Variants in CLGN observed in about 807,000 individuals in gnomAD.
CLGN encodes calmegin, also known as testis tissue sperm-binding protein Li 79P.
A neutral mutation model predicts 79.1 loss-of-function variants in CLGN; 62 were observed. That is an observed-to-expected ratio of 0.78 (90% CI 0.64 to 0.97). The LOEUF (loss-of-function observed/expected upper bound fraction) is 0.97, where lower values mean the gene tolerates loss of function less well. Ranked by LOEUF, CLGN falls within the 50% of genes least tolerant of loss-of-function variation. The probability of loss-of-function intolerance (pLI) is 0.00; values close to 1 mark genes in which losing one functional copy is unlikely to be tolerated. For synonymous variants in CLGN, 225 were observed against 224.7 expected, an observed-to-expected ratio of 1.00 and a Z score of -0.01; for missense variants, 647 against 715.5, an observed-to-expected ratio of 0.90 and a Z score of 1.09.
intron 8 of CLGN, among the ~76,000 whole-genome samples, chr4:140,397,120 G>A (rs549907163): frequency 6.6e-6 from 1 of 151,388 alleles, no homozygotes; most frequent in African/African-American, 2.4e-5. Context: ...AAATATAATT[G>A]TTAAGAGTAT....
At chr4:140,413,503 C>T (rs192525173) in intron 1 of CLGN, among the ~76,000 whole-genome samples, 211 of 152,192 alleles carry the variant, frequency 1.4e-3, no homozygotes, top group African/African-American at 4.9e-3. Context: ...GTGCGTGCAC[C>T]GTGCGTGAGC....
intron 14 of CLGN, 132 bp downstream of exon 14, chr4:140,390,496 A>C (rs561204352): frequency 3.7e-5 from 18 of 483,566 alleles, no homozygotes; most frequent in Non-Finnish European, 5.4e-5. Context: ...TGTTTTAAAA[A>C]CAATATAGAG....
chr4:140,406,291 TA>T (rs1382159784), intron 4 of CLGN, among the ~76,000 whole-genome samples: 1 of 152,184 alleles, frequency 6.6e-6, no homozygotes, highest in African/African-American at 2.4e-5. Flanking sequence ...TCTTCTTAAC[TA>T]AAGTTGTGAA....
intron 8 of CLGN, among the ~76,000 whole-genome samples, chr4:140,397,317 C>T (rs1728909304): frequency 6.6e-6 from 1 of 152,076 alleles, no homozygotes; most frequent in African/African-American, 2.4e-5. Flanking sequence ...TTTGAATGTA[C>T]ATTTAGTAGC....
At chr4:140,397,213 AAAAGTAC>A (rs1443040857) in intron 8 of CLGN, among the ~76,000 whole-genome samples, 8 of 152,014 alleles carry the variant, frequency 5.3e-5, no homozygotes, top group Non-Finnish European at 1.2e-4. Flanking sequence ...AGCAGCATGC[AAAAGTAC>A]CTATTTTCTC....
chr4:140,397,723 G>C (rs1728920653), intron 8 of CLGN, among the ~76,000 whole-genome samples: 1 of 151,914 alleles, frequency 6.6e-6, no homozygotes, highest in Admixed American at 6.6e-5. Flanking sequence ...GACCAACATG[G>C]TGAAATCCCA....
rs775378818 is a variant in CLGN at position 140,409,841 on chromosome 4, G to A, written c.273C>T (p.Tyr91=). The A allele has an allele frequency of 1.2e-4, 188 of 1,580,008 alleles. No homozygotes were observed. Among genetic ancestry groups the A allele is most frequent in the Non-Finnish European group, 1.5e-4 (171 of 1,153,404 alleles). ...ATACTTAAATAAATATTTTACCATC[G>A]TATATTGAAATTTCCTCATCCATGT... ...KDDMDEEISI[Y]DGRWEIEELK... is the part of the protein sequence containing the mutation. The change falls in exon 4 of 15, where the codon TAC becomes TAT. Residue 91 remains tyrosine (Y), a synonymous_variant. Transcript: ENST00000325617.
chr4:140,405,671 A>G (rs1729093781), intron 5 of CLGN, among the ~76,000 whole-genome samples: 1 of 152,210 alleles, frequency 6.6e-6, no homozygotes, highest in South Asian at 2.1e-4. Flanking sequence ...ATGCTGCTTA[A>G]TAGCCCACAT....
intron 7 of CLGN, 40 bp downstream of exon 7, chr4:140,400,317 C>T (rs188642963): frequency 1.4e-6 from 2 of 1,432,384 alleles, no homozygotes; most frequent in Non-Finnish European, 1.9e-6. Flanking sequence ...CAATAGTCAG[C>T]AAATATTTTT....
chr4:140,420,717 C>T lies in CLGN; in HGVS notation c.-10+6820G>A, dbSNP rs369121676. Among the ~76,000 whole-genome samples the T allele has an allele frequency of 2.3e-4, 35 of 152,192 alleles. 1 individual carries two copies. In the East Asian group the frequency reaches 4.4e-3, roughly 19 times the overall value. ...TGCCAACATGTTATTAAGTTCCAAA[C>T]AAAACTATGAGGTTTGTGACATCTC... On this transcript the variant is annotated intron_variant, in intron 1 of 14. Coordinates refer to ENST00000325617, the MANE Select transcript of CLGN (RefSeq NM_004362.3).
At position 140,397,102 on chromosome 4, in the gene CLGN, A is replaced by G. The variant is rs1310161017; in HGVS notation, c.885-897T>C. On this transcript the variant is annotated intron_variant, in intron 8 of 14. Coordinates refer to ENST00000325617, the MANE Select transcript of CLGN (RefSeq NM_004362.3). ...TGTCCTAGAATATATGCCATTTCTC[A>G]TCTGTGAAAATATAATTGTTAAGAG... Among the ~76,000 whole-genome samples, 9 of 151,592 alleles carry G rather than the reference A, an allele frequency of 5.9e-5. No individual in the cohort carries two copies. In the East Asian group the frequency reaches 1.7e-3, roughly 29 times the overall value.
intron 10 of CLGN, 106 bp downstream of exon 10, chr4:140,395,713 A>C: frequency 1.0e-6 from 1 of 955,848 alleles, no homozygotes; most frequent in Non-Finnish European, 1.4e-6. Context: ...ACATCTTAAA[A>C]TTAAAAATGA....
intron 4 of CLGN, among the ~76,000 whole-genome samples, chr4:140,407,650 G>A (rs956651104): frequency 1.2e-4 from 18 of 149,836 alleles, no homozygotes; most frequent in Non-Finnish European, 2.2e-4. Context: ...TCTATACAAG[G>A]AGGACTACAA....
At chr4:140,416,896 A>T (rs1365538347) in intron 1 of CLGN, among the ~76,000 whole-genome samples, 1 of 151,680 alleles carries the variant, frequency 6.6e-6, no homozygotes, top group African/African-American at 2.4e-5. Context: ...AGACACAACA[A>T]AAAAAGAGAA....
chr4:140,417,983 G>A (rs1015294399), intron 1 of CLGN, among the ~76,000 whole-genome samples: 25 of 152,214 alleles, frequency 1.6e-4, no homozygotes, highest in Admixed American at 1.3e-4. Flanking sequence ...AAAACAGCAT[G>A]GTACTGGTAC....
intron 1 of CLGN, among the ~76,000 whole-genome samples, chr4:140,414,960 G>C (rs1729297379): frequency 1.3e-5 from 2 of 150,968 alleles, no homozygotes; most frequent in South Asian, 4.2e-4. Context: ...GAAAGGTCGG[G>C]TTACCCTCAA....
intron 8 of CLGN, 38 bp from the exon 9 acceptor site, chr4:140,396,243 A>C (rs1229195678): frequency 5.4e-6 from 8 of 1,476,640 alleles, no homozygotes; most frequent in Non-Finnish European, 7.6e-6. Context: ...ATTATTCAGA[A>C]AGTTTAAAAA....
intron 1 of CLGN, among the ~76,000 whole-genome samples, chr4:140,413,713 C>T (rs1048439572): frequency 2.0e-5 from 3 of 152,182 alleles, no homozygotes; most frequent in African/African-American, 4.8e-5. Flanking sequence ...CTTACGCCCA[C>T]GGAGTCTCGC....
chr4:140,400,461 T>C lies in CLGN; in HGVS notation c.590A>G (p.His197Arg), dbSNP rs745955545. Residue 197 changes from histidine to arginine, a missense_variant, in exon 7 of 15, where the codon CAT becomes CGT. Coordinates refer to ENST00000325617, the MANE Select transcript of CLGN (RefSeq NM_004362.3). ...EDYKLHFIFR[H>R]KHPKTGVFEE... The stretch of plus-strand genomic sequence containing the variant: ...GAAAACTCCAGTTTTGGGATGTTTA[T>C]GTCTGAAGATAAAATGAAGTTTATA... 5.0e-6 allele frequency: 8 copies of C among 1,607,924 alleles called. No individual in the cohort carries two copies. The Admixed American group carries it at 6.7e-5, about 13-fold the overall frequency.
Sources: gnomAD v4.1 joint callset for allele counts (sites outside exome capture counted in the v4.1 genomes callset) on GRCh38, gnomAD v4.1.1 for gene constraint, MANE v1.5 for transcripts, NCBI Gene and HGNC (gene_info 2026-07-23, HGNC 2026-07-21) for gene names.